The following ZNF804B variants were observed in gnomAD, a reference collection of about 807,000 sequenced individuals.
ZNF804B encodes the protein zinc finger protein 804B, also known as zinc finger 804B.
A neutral mutation model predicts 101.4 loss-of-function variants in ZNF804B; 80 were observed. The ratio of observed to expected loss-of-function variants is 0.79; its 90% CI spans 0.66 to 0.95. ZNF804B has a LOEUF of 0.95. Ranked by LOEUF, ZNF804B falls within the 40% of genes least tolerant of loss-of-function variation. The pLI, the probability that ZNF804B is intolerant of heterozygous loss-of-function variation, is 0.00. For missense variants in ZNF804B, 1,673 were observed against 1,561.9 expected (o/e 1.07, Z -1.20); for synonymous variants, 622 against 558.8 (o/e 1.11, Z -1.59).
At chr7:88,828,768 GTT>G (rs1167049831) in intron 1 of ZNF804B, among the ~76,000 whole-genome samples, 1 of 151,998 alleles carries the variant, frequency 6.6e-6, no homozygotes, top group African/African-American at 2.4e-5. Flanking sequence ...AGGGTATATT[GTT>G]CATTCTGACA....
chr7:89,027,399 T>C (rs1788767068), intron 1 of ZNF804B, among the ~76,000 whole-genome samples: 1 of 152,106 alleles, frequency 6.6e-6, no homozygotes, highest in Admixed American at 6.6e-5. Context: ...TCTTCCATTG[T>C]AATAAAACAA....
At chr7:89,070,761 G>A (rs1789523878) in intron 1 of ZNF804B, among the ~76,000 whole-genome samples, 1 of 152,054 alleles carries the variant, frequency 6.6e-6, no homozygotes, top group Admixed American at 6.6e-5. Flanking sequence ...CTTATAAATT[G>A]ATTTTATAAG....
rs562160162 is a variant in ZNF804B, at chr7:88,901,967, T to C, written c.108+141883T>C. On this transcript the variant is annotated intron_variant, in intron 1 of 3. Transcript: ENST00000333190. ...TTACAATTCTAGAGGAAGCCTCTTATAAAATGTGATTAGAACACAGTCATC... is the reference window on the plus strand; with the variant it reads ...TTACAATTCTAGAGGAAGCCTCTTACAAAATGTGATTAGAACACAGTCATC... Among the ~76,000 whole-genome samples, 3 of 152,006 alleles carry C rather than the reference T, an allele frequency of 2.0e-5. No individual in the cohort carries two copies. The East Asian group carries it at 5.8e-4, about 29-fold the overall frequency.
chr7:89,142,842 G>C (rs1018310908), intron 1 of ZNF804B, among the ~76,000 whole-genome samples: 1 of 152,014 alleles, frequency 6.6e-6, no homozygotes, highest in African/African-American at 2.4e-5. Flanking sequence ...GACATCCACA[G>C]AACTGGAGCA....
intron 1 of ZNF804B, among the ~76,000 whole-genome samples, chr7:89,047,925 CT>C (rs745645280): frequency 4.6e-5 from 7 of 151,464 alleles, no homozygotes; most frequent in Non-Finnish European, 8.8e-5. Flanking sequence ...GATATAGAGC[CT>C]TTTGGTTTGT....
intron 1 of ZNF804B, among the ~76,000 whole-genome samples, chr7:89,001,304 T>A (rs73202782): frequency 6.6e-6 from 1 of 151,616 alleles, no homozygotes; most frequent in Non-Finnish European, 1.5e-5. Flanking sequence ...TATATGTTAG[T>A]TAGCTATATT....
intron 1 of ZNF804B, chr7:88,795,051 CA>C (rs35996371): frequency 0.038 from 26,670 of 707,742 alleles, 17 homozygotes; most frequent in Non-Finnish European, 0.042. Context: ...TTTCTTCTGA[CA>C]AAAAAAAAAA....
rs953464351 is a variant in ZNF804B at position 88,986,431 on chromosome 7, A to G, written c.108+226347A>G. Among the ~76,000 whole-genome samples the G allele has an allele frequency of 2.0e-5, 3 of 152,136 alleles. No homozygotes were observed. The East Asian group carries it at 5.8e-4, about 29-fold the overall frequency. ...ACTGAATATCCTCCCAAAGTGCTTC[A>G]TGCTCCTGCCAACACAGAAAAGTTA... is the stretch of plus-strand genomic sequence containing the variant. On this transcript the variant is annotated intron_variant, in intron 1 of 3. Coordinates refer to ENST00000333190, the MANE Select transcript of ZNF804B (RefSeq NM_181646.5).
At chr7:88,868,025 T>A (rs893787211) in intron 1 of ZNF804B, among the ~76,000 whole-genome samples, 1 of 149,014 alleles carries the variant, frequency 6.7e-6, no homozygotes, top group Non-Finnish European at 1.5e-5. Context: ...GCAATATTCA[T>A]AATTCTACTG....
At chr7:89,047,143 C>T (rs1268424916) in intron 1 of ZNF804B, among the ~76,000 whole-genome samples, 4 of 152,114 alleles carry the variant, frequency 2.6e-5, no homozygotes, top group Non-Finnish European at 5.9e-5. Flanking sequence ...TTTCTGCTGA[C>T]AAGCATTAAC....
chr7:89,281,499 A>G (rs943903380), intron 2 of ZNF804B, among the ~76,000 whole-genome samples: 3 of 152,214 alleles, frequency 2.0e-5, no homozygotes, highest in Non-Finnish European at 4.4e-5. Flanking sequence ...GGAGTTTTTT[A>G]GATAATACAA....
At chr7:89,177,976 T>C (rs535598626) in intron 1 of ZNF804B, among the ~76,000 whole-genome samples, 174 of 152,272 alleles carry the variant, frequency 1.1e-3, no homozygotes, top group Non-Finnish European at 2.0e-3. Context: ...GCTTTATGTT[T>C]ATAATTACTA....
chr7:89,070,054 A>G (rs537954017), intron 1 of ZNF804B, among the ~76,000 whole-genome samples: 1 of 152,270 alleles, frequency 6.6e-6, no homozygotes, highest in South Asian at 2.1e-4. Flanking sequence ...GTTTCTTGTT[A>G]CCTACTGCCA....
intron 1 of ZNF804B, among the ~76,000 whole-genome samples, chr7:88,922,933 A>G (rs977299911): frequency 1.3e-5 from 2 of 152,098 alleles, no homozygotes; most frequent in African/African-American, 4.8e-5. Context: ...GTATCAATGA[A>G]GGAAATAAAA....
At chr7:89,294,632 C>A (rs929423281) in intron 2 of ZNF804B, among the ~76,000 whole-genome samples, 3 of 151,886 alleles carry the variant, frequency 2.0e-5, no homozygotes, top group Admixed American at 1.3e-4. Flanking sequence ...GATCAATTTT[C>A]TCCTGTTAAT....
intron 1 of ZNF804B, among the ~76,000 whole-genome samples, chr7:88,989,314 A>G (rs1001121283): frequency 6.6e-5 from 10 of 152,056 alleles, no homozygotes; most frequent in Admixed American, 5.2e-4. Flanking sequence ...AACCATTTCA[A>G]TATGTAATTT....
chr7:89,253,256 TA>T (rs1160837543), intron 2 of ZNF804B, among the ~76,000 whole-genome samples: 9 of 151,882 alleles, frequency 5.9e-5, no homozygotes, highest in Non-Finnish European at 1.2e-4. Flanking sequence ...AATTTAAGCA[TA>T]AAAAACTAAA....
intron 1 of ZNF804B, among the ~76,000 whole-genome samples, chr7:88,998,251 A>G (rs1323691893): frequency 6.6e-6 from 1 of 151,866 alleles, no homozygotes; most frequent in Non-Finnish European, 1.5e-5. Flanking sequence ...GCCTCTACTC[A>G]CTTCTTAACC....
chr7:89,044,502 G>T (rs1789071815), intron 1 of ZNF804B, among the ~76,000 whole-genome samples: 1 of 152,152 alleles, frequency 6.6e-6, no homozygotes, highest in Admixed American at 6.5e-5. Flanking sequence ...TGTGGTGGGG[G>T]CTTACAAGAA....
Sources: gnomAD v4.1 joint callset for allele counts (sites outside exome capture counted in the v4.1 genomes callset) on GRCh38, gnomAD v4.1.1 for gene constraint, MANE v1.5 for transcripts, NCBI Gene and HGNC (gene_info 2026-07-23, HGNC 2026-07-21) for gene names.